The following ERMARD variants were observed in gnomAD, a reference collection of about 807,000 sequenced individuals.
ERMARD encodes the protein endoplasmic reticulum membrane-associated RNA degradation protein.
In ERMARD, 71 loss-of-function variants were observed where a neutral mutation model predicts 83.9. That is an observed-to-expected ratio of 0.85 (90% CI 0.70 to 1.03). The LOEUF is 1.03. Ranked by LOEUF, ERMARD falls within the 50% of genes least tolerant of loss-of-function variation. The pLI is 0.00. For missense variants in ERMARD, 838 were observed against 810.9 expected (o/e 1.03, Z -0.41); for synonymous variants, 284 against 298.6 (o/e 0.95, Z 0.50).
At position 169,773,411 on chromosome 6, in the gene ERMARD, A is replaced by G; in HGVS notation, c.1317+9A>G. 6.2e-7 allele frequency: 1 copy of G among 1,614,080 alleles called. No individual in the cohort carries two copies. The highest frequency in any genetic ancestry group is 8.5e-7 in the Non-Finnish European group (1 of 1,179,942). On this transcript the variant is annotated intron_variant, in intron 13 of 17. Transcript: ENST00000366773. ...TTCAGCTTAAAAAACAGGTATGCCAAATGCAGGGTCCCGGGAGGGGCGTGT... is the reference window on the plus strand; with the variant it reads ...TTCAGCTTAAAAAACAGGTATGCCAGATGCAGGGTCCCGGGAGGGGCGTGT...
In ERMARD at chr6:169,775,967, C is replaced by T. The variant is rs1453291511; in HGVS notation, c.1422C>T (p.Ala474=). ...TAGAAGATAATTCTGAAACAAATGCCTGCCACTCTTTGATTACAAAAATGA... is the reference window on the plus strand; with the variant it reads ...TAGAAGATAATTCTGAAACAAATGCTTGCCACTCTTTGATTACAAAAATGA... The part of the protein sequence containing the change: ...VRLEDNSETN[A]CHSLITKMTD... The change falls in exon 15 of 18, where the codon GCC becomes GCT. Residue 474 remains alanine (A), a synonymous_variant. Transcript: ENST00000366773. 9 of 1,614,120 alleles carry T rather than the reference C, an allele frequency of 5.6e-6. No homozygotes were observed. Among genetic ancestry groups the T allele is most frequent in the Non-Finnish European group, 7.6e-6 (9 of 1,180,036 alleles).
chr6:169,769,813 T>C, intron 12 of ERMARD, 100 bp downstream of exon 12: 2 of 1,119,932 alleles, frequency 1.8e-6, no homozygotes, highest in Non-Finnish European at 2.4e-6. Flanking sequence ...CATCTTTTAA[T>C]ATATCTGAGT....
intron 12 of ERMARD, 197 bp from the exon 13 acceptor site, chr6:169,773,122 C>G (rs1793170720): frequency 1.9e-6 from 1 of 521,292 alleles, no homozygotes; most frequent in South Asian, 3.1e-5. Flanking sequence ...TAATGGCCTC[C>G]ATTTAAAATC....
At position 169,756,918 on chromosome 6, in the gene ERMARD, C is replaced by T. The variant is rs534157072; in HGVS notation, c.507+110C>T. The T allele has an allele frequency of 1.3e-5, 13 of 984,242 alleles. No individual in the cohort carries two copies. In the African/African-American group the frequency reaches 1.8e-4, roughly 13 times the overall value. The allele number at this position is 984,242 out of a possible 1,614,324, so 61.0% of individuals were successfully genotyped here. On this transcript the variant is annotated intron_variant, in intron 5 of 17. Transcript: ENST00000366773. ...AGAGGTTTAATTGGACTTACGGTTTCACATGGCTGAGGAGGCCTCAGAATC... is the reference window on the plus strand; with the variant it reads ...AGAGGTTTAATTGGACTTACGGTTTTACATGGCTGAGGAGGCCTCAGAATC...
At chr6:169,751,366 CCTTT>C (rs770037004), upstream of ERMARD, 8 of 1,614,022 alleles carry the variant, frequency 5.0e-6, no homozygotes, top group Admixed American at 1.7e-5. Context: ...TGCTAGGCCT[CCTTT>C]CTTTCCTAGG....
At position 169,758,448 on chromosome 6, in the gene ERMARD, G is replaced by C. The variant is rs775400812; in HGVS notation, c.508-520G>C. ...TGGATAAGTGATGGGCTTCACGTCA[G>C]ACAGCTAGGAAGTGGAGGCTCAAGC... On this transcript the variant is annotated intron_variant, in intron 5 of 17. Transcript: ENST00000366773. 8.5e-5 allele frequency among the ~76,000 whole-genome samples: 13 copies of C among 152,356 alleles called. 1 individual carries two copies. Among genetic ancestry groups the C allele is most frequent in the South Asian group, 6.2e-4 (3 of 4,832 alleles).
intron 12 of ERMARD, chr6:169,771,077 C>CTTTTTTTTTTTTTTTTTTTTTTTTTTTTT (rs60995171): frequency 1.4e-5 from 2 of 141,306 alleles, no homozygotes; most frequent in East Asian, 2.1e-4. Flanking sequence ...TCTTTTCTTT[C>CTTTTTTTTTTTTTTTTTTTTTTTTTTTTT]TTTTTTTTTT....
At chr6:169,760,126 C>A in intron 7 of ERMARD, 152 bp downstream of exon 7, 1 of 1,405,674 alleles carries the variant, frequency 7.1e-7, no homozygotes, top group Non-Finnish European at 9.4e-7. Context: ...GAACCTCCTA[C>A]ATTTTACCAC....
chr6:169,754,410 G>A (rs4716391), intron 2 of ERMARD, among the ~76,000 whole-genome samples: 42,497 of 151,936 alleles, frequency 0.28, 6,574 homozygotes, highest in African/African-American at 0.4. Context: ...AGACATTCTT[G>A]CACACTTTGG....
At chr6:169,772,365 C>T (rs1396321428) in intron 12 of ERMARD, among the ~76,000 whole-genome samples, 1 of 152,196 alleles carries the variant, frequency 6.6e-6, no homozygotes, top group Non-Finnish European at 1.5e-5. Flanking sequence ...CAGCACACTC[C>T]CTGGTGCACT....
intron 2 of ERMARD, 87 bp downstream of exon 2, chr6:169,754,119 T>C: frequency 7.6e-7 from 1 of 1,315,058 alleles, no homozygotes. Context: ...TGACCATTGG[T>C]TCCTTTTGTT....
At chr6:169,766,924 A>G in intron 10 of ERMARD, 1 of 379,648 alleles carries the variant, frequency 2.6e-6, no homozygotes, top group Non-Finnish European at 4.7e-6. Flanking sequence ...GATTAGCTAT[A>G]ATTATTTAGA....
chr6:169,761,485 G>T (rs1791544946), intron 8 of ERMARD, among the ~76,000 whole-genome samples: 1 of 152,098 alleles, frequency 6.6e-6, no homozygotes, highest in African/African-American at 2.4e-5. Flanking sequence ...CTCCCGAAGT[G>T]CTGGAATTAT....
intron 17 of ERMARD, among the ~76,000 whole-genome samples, chr6:169,780,296 A>G (rs369527917): frequency 3.9e-5 from 6 of 152,324 alleles, no homozygotes; most frequent in South Asian, 2.1e-4. Context: ...TTGACAGTCA[A>G]AAGTGCCCTA....
At chr6:169,753,246 TAG>T (rs565556140) in intron 1 of ERMARD, 1 of 154,392 alleles carries the variant, frequency 6.5e-6, no homozygotes, top group Admixed American at 6.5e-5. Context: ...AGGGGGAGGA[TAG>T]AGAGAGCTTT....
Position 169,753,870 on chromosome 6 carries a change from A to T in ERMARD, c.13A>T (p.Ile5Leu). The T allele has an allele frequency of 6.4e-7, 1 of 1,567,692 alleles. No homozygotes were observed. Among genetic ancestry groups the T allele is most frequent in the South Asian group, 1.2e-5 (1 of 85,878 alleles). Reference protein sequence around the residue: MEVLIGDPITTCLSP... With the variant: MEVLLGDPITTCLSP... ...ATTTTATTTTATTTTTTAGGTATTAATAGGGGACCCTATTACCACATGTCT... is the reference window on the plus strand; with the variant it reads ...ATTTTATTTTATTTTTTAGGTATTATTAGGGGACCCTATTACCACATGTCT... The change falls in exon 2 of 18, where the codon ATA becomes TTA. Residue 5 changes from isoleucine to leucine, a missense_variant. Ile to Leu is a conservative substitution (Grantham distance 5). Coordinates refer to ENST00000366773, the MANE Select transcript of ERMARD (RefSeq NM_018341.3).
rs770631548 is a variant in ERMARD, at chr6:169,759,864, C to T, written c.632C>T (p.Thr211Met). Reference protein sequence around the residue: ...PKYCSMMILLTAGLGQLLKSY... With the variant: ...PKYCSMMILLMAGLGQLLKSY... Reference sequence around the variant, plus strand: ...TACTGTTCAATGATGATACTGTTGACGGCAGGATTGGGTCAGTTACTGAAG... The same window carrying T: ...TACTGTTCAATGATGATACTGTTGATGGCAGGATTGGGTCAGTTACTGAAG... The change falls in exon 7 of 18, where the codon ACG becomes ATG. Residue 211 changes from threonine (T) to methionine (M), a missense_variant. Physicochemically the swap from Thr to Met is moderately conservative, Grantham distance 81. Coordinates refer to ENST00000366773, the MANE Select transcript of ERMARD (RefSeq NM_018341.3). 6.8e-6 allele frequency: 11 copies of T among 1,614,006 alleles called. No individual in the cohort carries two copies. Among genetic ancestry groups the T allele is most frequent in the African/African-American group, 4.0e-5 (3 of 74,910 alleles).
In ERMARD at chr6:169,756,341, T is replaced by C. The variant is rs972579678; in HGVS notation, c.319T>C (p.Phe107Leu). 1 of 1,590,534 alleles carries C rather than the reference T, an allele frequency of 6.3e-7. No homozygotes were observed. Among genetic ancestry groups the C allele is most frequent in the Admixed American group, 1.7e-5 (1 of 57,812 alleles). The change falls in exon 4 of 18, where the codon TTT becomes CTT. Residue 107 changes from phenylalanine (F) to leucine (L), a missense_variant. Physicochemically the swap from Phe to Leu is conservative, Grantham distance 22. Transcript: ENST00000366773. ...ATATGTGTTTTATTGTAAATAGTTA[T>C]TTCCTGAAATATTTGATGCCTTGGA... ...WFQWTSFPEL[F>L]PEIFDALESL...
chr6:169,761,855 G>A (rs1791598529), intron 8 of ERMARD, among the ~76,000 whole-genome samples: 1 of 151,904 alleles, frequency 6.6e-6, no homozygotes, highest in Non-Finnish European at 1.5e-5. Context: ...GCTGATTTTT[G>A]TATTTTTAGT....
Sources: allele counts gnomAD v4.1 joint callset (sites outside exome capture counted in the v4.1 genomes callset), GRCh38; gene constraint gnomAD v4.1.1; transcripts MANE v1.5; gene names NCBI Gene and HGNC (gene_info 2026-07-23, HGNC 2026-07-21).